Variants in PCDHA9 observed in about 807,000 individuals in gnomAD.
PCDHA9 encodes protocadherin alpha 9, also known as protocadherin alpha-9.
Under a neutral mutation model 62.0 loss-of-function variants are expected in PCDHA9, and 62 were observed. The observed-to-expected ratio is 1.00, with a 90% CI of 0.81 to 1.23. The LOEUF (loss-of-function observed/expected upper bound fraction) is 1.23, where lower values mean the gene tolerates loss of function less well. Ranked by LOEUF, PCDHA9 falls within the 50% of genes most tolerant of loss-of-function variation. The probability of loss-of-function intolerance (pLI) is 0.00; values close to 1 mark genes in which losing one functional copy is unlikely to be tolerated. For missense variants in PCDHA9, 1,205 were observed against 1,249.8 expected, an observed-to-expected ratio of 0.96 and a Z score of 0.54; for synonymous variants, 557 against 567.6, an observed-to-expected ratio of 0.98 and a Z score of 0.27.
At chr5:140,864,370 C>T (rs185774022) in intron 1 of PCDHA9, 45 of 152,264 alleles carry the variant, frequency 3.0e-4, no homozygotes, top group African/African-American at 8.2e-4. Flanking sequence ...TTTCTATAAT[C>T]GATAAGTTTA....
intron 3 of PCDHA9, among the ~76,000 whole-genome samples, chr5:140,997,851 C>T (rs1400770612): frequency 6.6e-6 from 1 of 152,122 alleles, no homozygotes. Flanking sequence ...CATTCTTATA[C>T]ATATTTCTTA....
At chr5:141,006,390 T>G (rs539931677) in intron 3 of PCDHA9, among the ~76,000 whole-genome samples, 149 of 152,058 alleles carry the variant, frequency 9.8e-4, no homozygotes, top group African/African-American at 3.0e-3. Context: ...TTTTTTCTAT[T>G]TTTTAGTAGA....
intron 1 of PCDHA9, among the ~76,000 whole-genome samples, chr5:140,893,688 C>G (rs903086896): frequency 6.6e-6 from 1 of 152,168 alleles, no homozygotes; most frequent in Admixed American, 6.5e-5. Context: ...TATATCATCT[C>G]ATTCTATCCT....
In PCDHA9 at chr5:140,927,058, C is replaced by G. The variant is rs376173105; in HGVS notation, c.2395-51891C>G. ...GGCCGCTATGTCCTCGCGGAACTTT[C>G]GCTTCCTTTCCAGCCACCGCGAGCT... On this transcript the variant is annotated intron_variant, in intron 1 of 3. Coordinates refer to ENST00000532602, the MANE Select transcript of PCDHA9 (RefSeq NM_031857.2). 17 of 1,611,136 alleles carry G rather than the reference C, an allele frequency of 1.1e-5. No homozygotes were observed. The South Asian group carries it at 1.2e-4, about 11-fold the overall frequency.
At chr5:140,956,890 G>T (rs2095318198) in intron 1 of PCDHA9, among the ~76,000 whole-genome samples, 3 of 152,136 alleles carry the variant, frequency 2.0e-5, no homozygotes, top group Non-Finnish European at 4.4e-5. Context: ...ATCAATGAAT[G>T]AATATTCTTA....
Position 140,978,960 on chromosome 5 carries a change from C to G in PCDHA9, c.2406C>G (p.Pro802=), listed in dbSNP as rs560855761. The G allele has an allele frequency of 2.6e-5, 42 of 1,614,120 alleles. No homozygotes were observed. The highest frequency in any genetic ancestry group is 2.5e-4 in the African/African-American group (19 of 75,024). The change falls in exon 2 of 4, where the codon CCC becomes CCG. Residue 802 remains proline, a synonymous_variant. Coordinates refer to ENST00000532602, the MANE Select transcript of PCDHA9 (RefSeq NM_031857.2). ...TTGTGATTTTGCAGCCACGACAGCC[C>G]AACCCTGACTGGCGTTACTCTGCCT... ...SSDSTGKPRQ[P]NPDWRYSASL...
chr5:140,869,245 A>T (rs782617385), intron 1 of PCDHA9: 14 of 1,613,510 alleles, frequency 8.7e-6, no homozygotes, highest in Non-Finnish European at 1.2e-5. Flanking sequence ...CGTGGGCCGC[A>T]TCGCGCAGGA....
At chr5:140,917,014 T>C (rs1272670553) in intron 1 of PCDHA9, among the ~76,000 whole-genome samples, 1 of 152,168 alleles carries the variant, frequency 6.6e-6, no homozygotes, top group Non-Finnish European at 1.5e-5. Context: ...TCTCCCTTCA[T>C]GTGCAGCTGC....
At chr5:140,857,037 T>C in intron 1 of PCDHA9, 1 of 1,596,258 alleles carries the variant, frequency 6.3e-7, no homozygotes, top group Non-Finnish European at 8.6e-7. Context: ...CCACCTATGG[T>C]TGGTCACTGC....
At chr5:140,968,385 A>G (rs782234319) in intron 1 of PCDHA9, 11 of 1,613,904 alleles carry the variant, frequency 6.8e-6, no homozygotes, top group Non-Finnish European at 9.3e-6. Flanking sequence ...TTTGACTATG[A>G]GAAGTTTCGG....
intron 1 of PCDHA9, among the ~76,000 whole-genome samples, chr5:140,963,268 T>C (rs1329086504): frequency 6.6e-6 from 1 of 152,042 alleles, no homozygotes; most frequent in African/African-American, 2.4e-5. Flanking sequence ...GACTTTGAAA[T>C]GTATGTAAGA....
intron 1 of PCDHA9, chr5:140,968,461 C>G (rs141568667): frequency 1.4e-5 from 22 of 1,614,078 alleles, no homozygotes; most frequent in Non-Finnish European, 1.9e-5. Context: ...CTGTGACTGC[C>G]AACGTATATG....
intron 3 of PCDHA9, among the ~76,000 whole-genome samples, chr5:140,990,831 A>G (rs1004872074): frequency 6.6e-6 from 1 of 152,192 alleles, no homozygotes; most frequent in Non-Finnish European, 1.5e-5. Context: ...GCTAAAGCCT[A>G]TTAGCAAAAA....
chr5:140,979,048 C>T, intron 2 of PCDHA9, 41 bp downstream of exon 2: 2 of 1,611,774 alleles, frequency 1.2e-6, no homozygotes, highest in East Asian at 2.2e-5. Context: ...GTAACCTTAA[C>T]TTGGTATGGC....
chr5:141,000,395 C>CTCTATA (rs1213762225), intron 3 of PCDHA9, among the ~76,000 whole-genome samples: 3 of 53,980 alleles, frequency 5.6e-5, no homozygotes, highest in East Asian at 6.1e-4. Flanking sequence ...CTCTCTCTCT[C>CTCTATA]TATATATATA....
Position 140,982,457 on chromosome 5 carries a change from G to A in PCDHA9, c.2454-18G>A, listed in dbSNP as rs782510565. 6.2e-7 allele frequency: 1 copy of A among 1,613,966 alleles called. No homozygotes were observed. Among genetic ancestry groups the A allele is most frequent in the African/African-American group, 1.3e-5 (1 of 74,916 alleles). ...AATTTATGATCTAACCGTTATCTGG[G>A]TCTGTGTGTTTATTCAGCTCTGTGC... On this transcript the variant is annotated intron_variant, in intron 2 of 3. Transcript: ENST00000532602.
chr5:140,951,183 G>A (rs1554219780), intron 1 of PCDHA9, among the ~76,000 whole-genome samples: 3 of 151,518 alleles, frequency 2.0e-5, no homozygotes, highest in Admixed American at 6.6e-5. Flanking sequence ...GTCATTGTCC[G>A]CTAATTCCCA....
At chr5:140,854,572 C>T (rs2043163133) in intron 1 of PCDHA9, 2 of 149,770 alleles carry the variant, frequency 1.3e-5, no homozygotes, top group South Asian at 4.2e-4. Context: ...CTCTGTCATT[C>T]AGATTTTAAT....
chr5:140,888,003 A>G (rs1187660261), intron 1 of PCDHA9, among the ~76,000 whole-genome samples: 1 of 152,112 alleles, frequency 6.6e-6, no homozygotes, highest in African/African-American at 2.4e-5. Context: ...CCGAATAGTC[A>G]TCTTTTTATC....
Sources: allele counts gnomAD v4.1 joint callset (sites outside exome capture counted in the v4.1 genomes callset), GRCh38; gene constraint gnomAD v4.1.1; transcripts MANE v1.5; gene names NCBI Gene and HGNC (gene_info 2026-07-23, HGNC 2026-07-21).